MYO5A: variants seen among roughly 807,000 people sequenced by gnomAD.
MYO5A encodes the protein myosin VA.
A neutral mutation model predicts 249.7 loss-of-function variants in MYO5A; 98 were observed. The observed-to-expected ratio is 0.39, with a 90% CI of 0.33 to 0.46. The LOEUF is 0.46. MYO5A is among the 20% of genes least tolerant of loss of function. The pLI, the probability that MYO5A is intolerant of heterozygous loss-of-function variation, is 0.98. For synonymous variants in MYO5A, 778 were observed against 810.6 expected, an observed-to-expected ratio of 0.96 and a Z score of 0.68; for missense variants, 1,696 against 2,308.8, an observed-to-expected ratio of 0.73 and a Z score of 5.44.
chr15:52,380,000 A>G (rs765766202), intron 16 of MYO5A, 92 bp from the exon 17 acceptor site: 110 of 1,244,700 alleles, frequency 8.8e-5, no homozygotes, highest in Non-Finnish European at 1.2e-4. Flanking sequence ...TTCTTTCGTA[A>G]GAGCAAAATG....
chr15:52,426,266 C>T (rs1595659906), intron 3 of MYO5A, among the ~76,000 whole-genome samples: 1 of 150,980 alleles, frequency 6.6e-6, no homozygotes, highest in East Asian at 1.9e-4. Flanking sequence ...AAAAATTCCA[C>T]TTTACTTCTA....
At chr15:52,426,590 G>A (rs1254686201) in intron 3 of MYO5A, among the ~76,000 whole-genome samples, 1 of 152,040 alleles carries the variant, frequency 6.6e-6, no homozygotes, top group African/African-American at 2.4e-5. Context: ...AGCCTCCCAG[G>A]TAGCTGGGAC....
chr15:52,375,082 C>T (rs569413467), intron 20 of MYO5A, among the ~76,000 whole-genome samples: 1 of 152,206 alleles, frequency 6.6e-6, no homozygotes, highest in East Asian at 1.9e-4. Context: ...GAGTTTGAGG[C>T]TGCAGTGTAC....
intron 34 of MYO5A, among the ~76,000 whole-genome samples, chr15:52,334,595 A>G (rs1296490023): frequency 6.6e-6 from 1 of 152,238 alleles, no homozygotes; most frequent in Non-Finnish European, 1.5e-5. Flanking sequence ...TACATCCAAC[A>G]GAGTAATATC....
chr15:52,456,411 A>G (rs1351692516), intron 1 of MYO5A, among the ~76,000 whole-genome samples: 3 of 152,140 alleles, frequency 2.0e-5, no homozygotes, highest in Non-Finnish European at 4.4e-5. Context: ...TACAGATTCA[A>G]TGCAATCCAT....
chr15:52,499,209 A>G (rs1010679636), intron 1 of MYO5A, among the ~76,000 whole-genome samples: 10 of 152,214 alleles, frequency 6.6e-5, no homozygotes, highest in Admixed American at 3.3e-4. Context: ...CTTGTTTACC[A>G]TAAGACATTA....
At chr15:52,498,464 T>A (rs185372999) in intron 1 of MYO5A, among the ~76,000 whole-genome samples, 7 of 152,344 alleles carry the variant, frequency 4.6e-5, no homozygotes, top group Non-Finnish European at 1.0e-4. Flanking sequence ...ATAGTGTTCA[T>A]TTCCCTAAGA....
At chr15:52,481,111 T>C (rs2141491954) in intron 1 of MYO5A, among the ~76,000 whole-genome samples, 1 of 152,310 alleles carries the variant, frequency 6.6e-6, no homozygotes, top group East Asian at 1.9e-4. Flanking sequence ...AGGTTAGAAC[T>C]AGCATTATTA....
At chr15:52,334,525 T>C (rs906820730) in intron 34 of MYO5A, among the ~76,000 whole-genome samples, 1 of 152,232 alleles carries the variant, frequency 6.6e-6, no homozygotes, top group Non-Finnish European at 1.5e-5. Context: ...TAAAGGATTA[T>C]ATATAAAGTG....
chr15:52,402,130 CA>C (rs1398558763), intron 9 of MYO5A, among the ~76,000 whole-genome samples: 2 of 152,204 alleles, frequency 1.3e-5, no homozygotes, highest in African/African-American at 4.8e-5. Context: ...TTGCTTCTGT[CA>C]GGCGCCTAGG....
At chr15:52,462,395 C>T (rs780596062) in intron 1 of MYO5A, among the ~76,000 whole-genome samples, 13 of 151,932 alleles carry the variant, frequency 8.6e-5, no homozygotes, top group African/African-American at 1.5e-4. Context: ...GAAAGCACAA[C>T]TGTATGCATA....
chr15:52,460,403 G>A (rs1292488838), intron 1 of MYO5A, among the ~76,000 whole-genome samples: 1 of 152,190 alleles, frequency 6.6e-6, no homozygotes, highest in Admixed American at 6.5e-5. Flanking sequence ...CCGGCACCTC[G>A]GGAGGCCGAG....
At chr15:52,493,525 G>T (rs887374871) in intron 1 of MYO5A, among the ~76,000 whole-genome samples, 1 of 152,064 alleles carries the variant, frequency 6.6e-6, no homozygotes, top group Non-Finnish European at 1.5e-5. Flanking sequence ...AGCTGGGCAC[G>T]GTGGCGGGCC....
chr15:52,515,286 A>AAAAAAG (rs5812612), intron 1 of MYO5A, among the ~76,000 whole-genome samples: 2 of 147,840 alleles, frequency 1.4e-5, no homozygotes, highest in African/African-American at 2.5e-5. Flanking sequence ...CAAGAAAAAA[A>AAAAAAG]AAAGAAAGAA....
intron 20 of MYO5A, 22 bp downstream of exon 20, chr15:52,375,282 A>T (rs1567064797): frequency 6.2e-7 from 1 of 1,613,490 alleles, no homozygotes; most frequent in Non-Finnish European, 8.5e-7. Context: ...ATGAATAAAC[A>T]AAGTTGAAAA....
intron 9 of MYO5A, among the ~76,000 whole-genome samples, chr15:52,402,800 G>A (rs369699364): frequency 3.3e-5 from 5 of 152,064 alleles, no homozygotes; most frequent in African/African-American, 9.6e-5. Context: ...AGCCAAGATC[G>A]CATCACTGCA....
At chr15:52,423,208 A>G (rs1439577238) in intron 4 of MYO5A, among the ~76,000 whole-genome samples, 1 of 152,188 alleles carries the variant, frequency 6.6e-6, no homozygotes, top group Non-Finnish European at 1.5e-5. Flanking sequence ...GATAATGTGA[A>G]ACACCAGGAT....
At position 52,396,666 on chromosome 15, in the gene MYO5A, T is replaced by C. The variant is rs549075570; in HGVS notation, c.1320-269A>G. 1.9e-3 allele frequency among the ~76,000 whole-genome samples: 286 copies of C among 152,316 alleles called. 3 individuals are homozygous for C. Among genetic ancestry groups the C allele is most frequent in the Non-Finnish European group, 1.6e-3 (111 of 68,024 alleles). ...CAGAGGTGTTCAACACTATGAGTTT[T>C]TGAGGGCTCATTCACCCCCAAGTGG... On this transcript the variant is annotated intron_variant, in intron 10 of 41. Coordinates refer to ENST00000399233, the MANE Select transcript of MYO5A (RefSeq NM_001382347.1).
At chr15:52,504,789 T>G (rs1724596) in intron 1 of MYO5A, among the ~76,000 whole-genome samples, 2 of 151,126 alleles carry the variant, frequency 1.3e-5, no homozygotes, top group Admixed American at 6.6e-5. Context: ...ACTCAGGAGG[T>G]TGAGGCAGAG....
Sources: gnomAD v4.1 joint callset for allele counts (sites outside exome capture counted in the v4.1 genomes callset) on GRCh38, gnomAD v4.1.1 for gene constraint, MANE v1.5 for transcripts, NCBI Gene and HGNC (gene_info 2026-07-23, HGNC 2026-07-21) for gene names.